The following HTR1F variants were observed in gnomAD, a reference collection of about 807,000 sequenced individuals.
HTR1F encodes 5-hydroxytryptamine (serotonin) receptor 1F, G protein-coupled.
Under a neutral mutation model 24.0 loss-of-function variants are expected in HTR1F, and 17 were observed. The observed-to-expected ratio is 0.71, with a 90% CI of 0.48 to 1.06. HTR1F has a LOEUF of 1.06. HTR1F is among the 50% of genes least tolerant of loss of function. The probability of loss-of-function intolerance (pLI) is 0.00; values close to 1 mark genes in which losing one functional copy is unlikely to be tolerated. For synonymous variants in HTR1F, 186 were observed against 156.8 expected, an observed-to-expected ratio of 1.19 and a Z score of -1.39; for missense variants, 391 against 427.8, an observed-to-expected ratio of 0.91 and a Z score of 0.76.
chr3:87,902,311 AG>A (rs1706342079), intron 2 of HTR1F, among the ~76,000 whole-genome samples: 1 of 152,154 alleles, frequency 6.6e-6, no homozygotes, highest in South Asian at 2.1e-4. Context: ...CACTATGCAA[AG>A]GGGGAAGTTA....
At chr3:87,888,399 A>G (rs1448983272) in intron 2 of HTR1F, among the ~76,000 whole-genome samples, 1 of 152,170 alleles carries the variant, frequency 6.6e-6, no homozygotes, top group Admixed American at 6.6e-5. Context: ...GAAAATCAAC[A>G]TGGCACATGT....
intron 2 of HTR1F, among the ~76,000 whole-genome samples, chr3:87,868,162 T>C (rs1412430768): frequency 6.6e-6 from 1 of 152,144 alleles, no homozygotes; most frequent in Non-Finnish European, 1.5e-5. Flanking sequence ...AAGATGATTT[T>C]GTTGCCATGG....
intron 2 of HTR1F, among the ~76,000 whole-genome samples, chr3:87,869,482 G>A (rs569500388): frequency 3.7e-5 from 4 of 108,930 alleles, no homozygotes; most frequent in African/African-American, 1.1e-4. Context: ...ATAGATAGAT[G>A]ATAGATAGAT....
At chr3:87,927,012 AC>A (rs1412045076) in intron 2 of HTR1F, among the ~76,000 whole-genome samples, 1 of 149,818 alleles carries the variant, frequency 6.7e-6, no homozygotes, top group Non-Finnish European at 1.5e-5. Context: ...ATCTGCTGTC[AC>A]TGCTTTGATG....
At chr3:87,865,819 G>A (rs1335365520) in intron 2 of HTR1F, among the ~76,000 whole-genome samples, 1 of 151,992 alleles carries the variant, frequency 6.6e-6, no homozygotes, top group Non-Finnish European at 1.5e-5. Context: ...GAACATTCTG[G>A]TGCATGCCTC....
chr3:87,882,007 T>G, intron 2 of HTR1F, among the ~76,000 whole-genome samples: 1 of 151,742 alleles, frequency 6.6e-6, no homozygotes, highest in Non-Finnish European at 1.5e-5. Flanking sequence ...TCAAACAAAT[T>G]TACAAGAAAA....
intron 2 of HTR1F, among the ~76,000 whole-genome samples, chr3:87,964,676 A>G (rs939077016): frequency 2.6e-5 from 4 of 152,210 alleles, no homozygotes; most frequent in African/African-American, 4.8e-5. Flanking sequence ...AGAAGAGCAA[A>G]GAAAAATGTA....
At chr3:87,986,001 A>G (rs1188785996) in intron 2 of HTR1F, among the ~76,000 whole-genome samples, 7 of 152,240 alleles carry the variant, frequency 4.6e-5, no homozygotes, top group Non-Finnish European at 8.8e-5. Flanking sequence ...AAGGCTGTAT[A>G]TAACACATGA....
At chr3:87,793,593 G>A (rs1703853562) in intron 1 of HTR1F, 1 of 152,114 alleles carries the variant, frequency 6.6e-6, no homozygotes, top group Non-Finnish European at 1.5e-5. Flanking sequence ...CAGGGGTCCT[G>A]CCCCTAAAGG....
Position 87,912,199 on chromosome 3 carries a change from CA to C in HTR1F, c.-42-78498del, listed in dbSNP as rs201239929. ...TAAGCACAAAAGCTCCTTAAGATAACAAAAAAAAAAACTTTAGCAAAATTTC... is the reference window on the plus strand; with the variant it reads ...TAAGCACAAAAGCTCCTTAAGATAACAAAAAAAAAACTTTAGCAAAATTTC... On this transcript the variant is annotated intron_variant, in intron 2 of 2. Coordinates refer to ENST00000319595, the MANE Select transcript of HTR1F (RefSeq NM_001322209.2). Among the ~76,000 whole-genome samples the C allele has an allele frequency of 3.5e-3, 502 of 142,710 alleles. 5 individuals carry two copies. Among genetic ancestry groups the C allele is most frequent in the East Asian group, 0.032 (155 of 4,904 alleles). The allele number at this position is 142,710 out of a possible 152,430, so 93.6% of individuals were successfully genotyped here. A position where few individuals can be genotyped will look rare whatever the true frequency, so the allele number is the denominator to read the frequency against.
chr3:87,799,147 C>T (rs545584431), intron 1 of HTR1F, among the ~76,000 whole-genome samples: 1 of 152,272 alleles, frequency 6.6e-6, no homozygotes, highest in African/African-American at 2.4e-5. Context: ...GGGAATCTTT[C>T]CCAGGCTTTC....
At chr3:87,929,231 G>T (rs925088226) in intron 2 of HTR1F, among the ~76,000 whole-genome samples, 1 of 152,116 alleles carries the variant, frequency 6.6e-6, no homozygotes, top group Non-Finnish European at 1.5e-5. Flanking sequence ...CATGGCACCT[G>T]GCATGTCACT....
intron 1 of HTR1F, among the ~76,000 whole-genome samples, chr3:87,798,274 T>C (rs573490791): frequency 1.1e-4 from 16 of 152,150 alleles, no homozygotes; most frequent in Non-Finnish European, 4.4e-5. Context: ...CCCTCACCAG[T>C]TCCAACTCCT....
chr3:87,817,466 A>T (rs1053823134), intron 1 of HTR1F, among the ~76,000 whole-genome samples: 10 of 152,214 alleles, frequency 6.6e-5, no homozygotes, highest in African/African-American at 2.4e-4. Context: ...TAGAAAAGTC[A>T]GGCAACAGTT....
intron 2 of HTR1F, among the ~76,000 whole-genome samples, chr3:87,935,667 C>A (rs371472735): frequency 6.6e-6 from 1 of 152,076 alleles, no homozygotes; most frequent in African/African-American, 2.4e-5. Flanking sequence ...AAAAACAAAC[C>A]ATTTCACTGT....
At chr3:87,918,425 A>G (rs909875608) in intron 2 of HTR1F, among the ~76,000 whole-genome samples, 7 of 152,124 alleles carry the variant, frequency 4.6e-5, no homozygotes, top group African/African-American at 1.7e-4. Context: ...GTAAAGAGGA[A>G]GTCAAACTGT....
intron 2 of HTR1F, among the ~76,000 whole-genome samples, chr3:87,823,986 G>A (rs1704411984): frequency 6.6e-6 from 1 of 151,540 alleles, no homozygotes; most frequent in Admixed American, 6.6e-5. Context: ...GAACCCGGGA[G>A]GCGGAGTTTG....
intron 2 of HTR1F, among the ~76,000 whole-genome samples, chr3:87,856,457 T>A (rs1053327254): frequency 2.0e-5 from 3 of 152,068 alleles, no homozygotes; most frequent in African/African-American, 4.8e-5. Context: ...ATTTATTTTT[T>A]AAAAAATGAG....
intron 2 of HTR1F, among the ~76,000 whole-genome samples, chr3:87,972,357 G>A (rs760334067): frequency 6.6e-5 from 10 of 152,086 alleles, no homozygotes; most frequent in Non-Finnish European, 1.5e-4. Flanking sequence ...AATTTGAAGT[G>A]TTTTATTAGT....
Sources: allele counts gnomAD v4.1 joint callset (sites outside exome capture counted in the v4.1 genomes callset), GRCh38; gene constraint gnomAD v4.1.1; transcripts MANE v1.5; gene names NCBI Gene and HGNC (gene_info 2026-07-23, HGNC 2026-07-21).